SLC17A8: variants seen among roughly 807,000 people sequenced by gnomAD.
SLC17A8 encodes the protein vesicular glutamate transporter 3.
In SLC17A8, 31 loss-of-function variants were observed where a neutral mutation model predicts 58.0. The ratio of observed to expected loss-of-function variants is 0.53; its 90% CI spans 0.40 to 0.72. The LOEUF (loss-of-function observed/expected upper bound fraction) is 0.72. SLC17A8 is among the 30% of genes least tolerant of loss of function. The pLI is 0.00. For synonymous variants in SLC17A8, 228 were observed against 249.0 expected, an observed-to-expected ratio of 0.92 and a Z score of 0.79; for missense variants, 655 against 727.8, an observed-to-expected ratio of 0.90 and a Z score of 1.15.
At chr12:100,373,915 C>T (rs1280099862) in intron 1 of SLC17A8, among the ~76,000 whole-genome samples, 1 of 152,084 alleles carries the variant, frequency 6.6e-6, no homozygotes, top group East Asian at 1.9e-4. Flanking sequence ...TACTTAGCAC[C>T]TATGCTGCTG....
chr12:100,401,816 G>C lies in SLC17A8; in HGVS notation c.716G>C (p.Gly239Ala). ...GCAGTGGTTGCCATGCCCCTGGCTGGGGTGTTGGTGCAGTACATTGGATGG... is the reference window on the plus strand; with the variant it reads ...GCAGTGGTTGCCATGCCCCTGGCTGCGGTGTTGGTGCAGTACATTGGATGG... ...AGAVVAMPLAGVLVQYIGWSS... is the reference protein window; with the variant it reads ...AGAVVAMPLAAVLVQYIGWSS... The change falls in exon 6 of 12, where the codon GGG becomes GCG. Residue 239 changes from glycine to alanine, a missense_variant. By Grantham distance (60) the Gly-to-Ala change is moderately conservative. Coordinates refer to ENST00000323346, the MANE Select transcript of SLC17A8 (RefSeq NM_139319.3). 6.2e-7 allele frequency: 1 copy of C among 1,614,050 alleles called. No individual in the cohort carries two copies. The highest frequency in any genetic ancestry group is 8.5e-7 in the Non-Finnish European group (1 of 1,179,960).
At chr12:100,413,014 A>C in intron 10 of SLC17A8, 134 bp downstream of exon 10, 1 of 757,212 alleles carries the variant, frequency 1.3e-6, no homozygotes, top group Non-Finnish European at 2.4e-6. Context: ...CCGTCCAGAG[A>C]ATGTGATCTA....
chr12:100,409,437 C>T (rs1201561277), intron 9 of SLC17A8, among the ~76,000 whole-genome samples: 4 of 152,250 alleles, frequency 2.6e-5, no homozygotes, highest in African/African-American at 9.6e-5. Flanking sequence ...CCGCCTGCCT[C>T]GTCCTCCCAA....
intron 5 of SLC17A8, among the ~76,000 whole-genome samples, chr12:100,397,571 A>G (rs1952761983): frequency 6.6e-6 from 1 of 152,160 alleles, no homozygotes; most frequent in African/African-American, 2.4e-5. Flanking sequence ...TCAATCAACA[A>G]CAGAACAACA....
chr12:100,377,426 A>G (rs1952601848), intron 1 of SLC17A8, among the ~76,000 whole-genome samples: 1 of 151,938 alleles, frequency 6.6e-6, no homozygotes, highest in African/African-American at 2.4e-5. Context: ...TTACAGATGA[A>G]GAAACTGAAG....
intron 1 of SLC17A8, among the ~76,000 whole-genome samples, chr12:100,364,500 G>A (rs1952506069): frequency 1.3e-5 from 2 of 152,210 alleles, no homozygotes; most frequent in Non-Finnish European, 2.9e-5. Flanking sequence ...CATCCCTGCT[G>A]CCATGGTTAC....
chr12:100,371,169 G>T (rs1952556453), intron 1 of SLC17A8, among the ~76,000 whole-genome samples: 1 of 152,098 alleles, frequency 6.6e-6, no homozygotes, highest in Admixed American at 6.6e-5. Flanking sequence ...TATTTATCAA[G>T]TGCCAGGAAT....
At chr12:100,402,031 G>A (rs1213936493) in intron 6 of SLC17A8, among the ~76,000 whole-genome samples, 168 bp downstream of exon 6, 1 of 151,972 alleles carries the variant, frequency 6.6e-6, no homozygotes, top group Non-Finnish European at 1.5e-5. Context: ...TATTAAAGTT[G>A]ACCTAAAAAA....
chr12:100,393,528 C>T (rs377237198), intron 4 of SLC17A8, 45 bp downstream of exon 4: 23 of 1,389,312 alleles, frequency 1.7e-5, no homozygotes, highest in Middle Eastern at 1.8e-4. Flanking sequence ...CTAGAGACAG[C>T]GCAGTCCTTT....
chr12:100,408,194 G>A (rs1386722224), intron 9 of SLC17A8, among the ~76,000 whole-genome samples: 2 of 152,178 alleles, frequency 1.3e-5, no homozygotes, highest in Non-Finnish European at 2.9e-5. Flanking sequence ...CTTGGAGCCT[G>A]TCATCTTTTA....
chr12:100,388,662 A>G (rs1566394625), intron 2 of SLC17A8, among the ~76,000 whole-genome samples: 1 of 152,246 alleles, frequency 6.6e-6, no homozygotes, highest in Non-Finnish European at 1.5e-5. Context: ...CACAGGACGA[A>G]CGTTGAACAG....
intron 2 of SLC17A8, among the ~76,000 whole-genome samples, chr12:100,388,542 TAGAG>T (rs1952691923): frequency 6.6e-6 from 1 of 152,206 alleles, no homozygotes; most frequent in East Asian, 1.9e-4. Flanking sequence ...AAATGAGAAA[TAGAG>T]AGTATAGGCC....
intron 2 of SLC17A8, among the ~76,000 whole-genome samples, chr12:100,389,229 A>T (rs576672410): frequency 6.6e-6 from 1 of 152,344 alleles, no homozygotes; most frequent in Admixed American, 6.5e-5. Flanking sequence ...TCAGCATAGT[A>T]TCAGTAATGG....
rs906242688 is a variant in SLC17A8 at position 100,375,901 on chromosome 12, C to T, written c.102-4800C>T. On this transcript the variant is annotated intron_variant, in intron 1 of 11. Transcript: ENST00000323346. ...TGAATTGTGTCTTCATATGGATCTG[C>T]CCAAATTCATTATGGTGAAATTCTA... Among the ~76,000 whole-genome samples, 11 of 152,124 alleles carry T rather than the reference C, an allele frequency of 7.2e-5. No individual in the cohort carries two copies. In the East Asian group the frequency reaches 1.7e-3, roughly 24 times the overall value.
chr12:100,393,523 G>C (rs1405558279), intron 4 of SLC17A8, 40 bp downstream of exon 4: 1 of 1,413,448 alleles, frequency 7.1e-7, no homozygotes, highest in Admixed American at 1.7e-5. Context: ...TATTGCTAGA[G>C]ACAGCGCAGT....
intron 10 of SLC17A8, among the ~76,000 whole-genome samples, chr12:100,417,068 G>A (rs1952911518): frequency 6.6e-6 from 1 of 152,172 alleles, no homozygotes; most frequent in South Asian, 2.1e-4. Flanking sequence ...ACCATGCCTG[G>A]CTAATTTTTG....
intron 9 of SLC17A8, among the ~76,000 whole-genome samples, chr12:100,409,066 G>T (rs759041355): frequency 6.6e-6 from 1 of 151,994 alleles, no homozygotes; most frequent in African/African-American, 2.4e-5. Context: ...CATCATTTAC[G>T]GTAAGTACTT....
chr12:100,387,488 G>C (rs1952684537), intron 2 of SLC17A8, among the ~76,000 whole-genome samples: 1 of 152,168 alleles, frequency 6.6e-6, no homozygotes, highest in Non-Finnish European at 1.5e-5. Context: ...CAGCAGCCTA[G>C]GGGCTCTTCT....
Position 100,421,658 on chromosome 12 carries a change from G to GTTGTT in SLC17A8, c.*1501_*1502insGTTTT. The GTTGTT allele has an allele frequency of 9.1e-6, 1 of 109,856 alleles. No homozygotes were observed. Among genetic ancestry groups the GTTGTT allele is most frequent in the South Asian group, 3.1e-4 (1 of 3,234 alleles). 6.8% of individuals were successfully genotyped at this position (109,856 alleles called of 1,614,324 possible). ...TACTTGTAGCTTATTATTGTAAAGT[G>GTTGTT]TTTTTTTTTTTTTTTTTTTTTTCTA... On this transcript the variant is annotated 3_prime_UTR_variant, in exon 12 of 12. Transcript: ENST00000323346.
Sources: gnomAD v4.1 joint callset for allele counts (sites outside exome capture counted in the v4.1 genomes callset) on GRCh38, gnomAD v4.1.1 for gene constraint, MANE v1.5 for transcripts, NCBI Gene and HGNC (gene_info 2026-07-23, HGNC 2026-07-21) for gene names.